The following ACOXL variants were observed in gnomAD, a reference collection of about 807,000 sequenced individuals.
ACOXL encodes acyl-coenzyme A oxidase-like protein.
Under a neutral mutation model 71.9 loss-of-function variants are expected in ACOXL, and 70 were observed. The observed-to-expected ratio is 0.97, with a 90% CI of 0.80 to 1.19. ACOXL has a LOEUF of 1.19. ACOXL is among the 50% of genes most tolerant of loss of function. The probability of loss-of-function intolerance (pLI) is 0.00; values close to 1 mark genes in which losing one functional copy is unlikely to be tolerated. For synonymous variants in ACOXL, 253 were observed against 281.6 expected, an observed-to-expected ratio of 0.90 and a Z score of 1.02; for missense variants, 703 against 736.3, an observed-to-expected ratio of 0.95 and a Z score of 0.52.
At chr2:110,922,019 A>G (rs1017410333) in intron 11 of ACOXL, among the ~76,000 whole-genome samples, 8 of 152,112 alleles carry the variant, frequency 5.3e-5, no homozygotes, top group Non-Finnish European at 1.2e-4. Context: ...GGTTGGGAGG[A>G]GAGTATTATA....
chr2:111,002,546 A>G (rs1391197073), intron 14 of ACOXL, among the ~76,000 whole-genome samples: 1 of 152,168 alleles, frequency 6.6e-6, no homozygotes, highest in Admixed American at 6.5e-5. Flanking sequence ...AATATCCTTA[A>G]CAGTATGGCT....
At chr2:110,997,804 C>T (rs72834578) in intron 14 of ACOXL, among the ~76,000 whole-genome samples, 10,417 of 152,230 alleles carry the variant, frequency 0.068, 451 homozygotes, top group East Asian at 0.22. Context: ...CCTGCAATTC[C>T]AGCACTTCGG....
intron 15 of ACOXL, among the ~76,000 whole-genome samples, chr2:111,041,333 C>T (rs1252900740): frequency 6.6e-6 from 1 of 152,184 alleles, no homozygotes; most frequent in East Asian, 1.9e-4. Context: ...GCAATTGCAG[C>T]TGTCCTATCC....
intron 12 of ACOXL, among the ~76,000 whole-genome samples, chr2:110,943,080 G>A (rs2060940576): frequency 8.7e-6 from 1 of 114,582 alleles, no homozygotes; most frequent in African/African-American, 3.3e-5. Flanking sequence ...AGGAAGAAAA[G>A]AAGAGAGGGA....
intron 10 of ACOXL, among the ~76,000 whole-genome samples, chr2:110,883,911 C>G (rs1041036805): frequency 6.6e-6 from 1 of 152,072 alleles, no homozygotes; most frequent in Non-Finnish European, 1.5e-5. Flanking sequence ...ATATAGTACA[C>G]ACTTAAATAT....
At chr2:111,001,614 G>A (rs1363069553) in intron 14 of ACOXL, among the ~76,000 whole-genome samples, 1 of 152,154 alleles carries the variant, frequency 6.6e-6, no homozygotes, top group Non-Finnish European at 1.5e-5. Context: ...ACTGATTCCT[G>A]CATTATTCCC....
chr2:111,102,037 G>T (rs764456317), intron 17 of ACOXL: 1 of 152,662 alleles, frequency 6.6e-6, no homozygotes, highest in Non-Finnish European at 1.5e-5. Context: ...TAGAATGTGG[G>T]TGTCTCCTGT....
Position 111,049,298 on chromosome 2 carries a change from C to A in ACOXL, c.1440+10C>A. The A allele has an allele frequency of 6.3e-7, 1 of 1,596,088 alleles. No individual in the cohort carries two copies. Among genetic ancestry groups the A allele is most frequent in the South Asian group, 1.1e-5 (1 of 90,632 alleles). ...GACTTTGTTAATGAAGGTAGGTTAT[C>A]AGATAAAGAACTTATTTCCTAAAGG... is the stretch of plus-strand genomic sequence containing the variant. On this transcript the variant is annotated intron_variant, in intron 16 of 17. Coordinates refer to ENST00000439055, the MANE Select transcript of ACOXL (RefSeq NM_001142807.4).
intron 10 of ACOXL, among the ~76,000 whole-genome samples, chr2:110,844,468 C>G (rs538623161): frequency 6.6e-6 from 1 of 152,096 alleles, no homozygotes; most frequent in South Asian, 2.1e-4. Flanking sequence ...CTTTTCTTCC[C>G]CTCGGCCACA....
intron 17 of ACOXL, among the ~76,000 whole-genome samples, chr2:111,101,481 C>T (rs909158043): frequency 1.3e-5 from 2 of 152,042 alleles, no homozygotes; most frequent in Middle Eastern, 3.2e-3. Flanking sequence ...TTTCTCATTC[C>T]CCAGACCACC....
intron 10 of ACOXL, among the ~76,000 whole-genome samples, chr2:110,888,566 AG>A: frequency 6.6e-6 from 1 of 152,290 alleles, no homozygotes; most frequent in East Asian, 1.9e-4. Flanking sequence ...CCTGACTAAT[AG>A]GGCCCATATT....
Position 110,768,699 on chromosome 2 carries a change from TCCCACC to T in ACOXL, c.75+237_75+242del, listed in dbSNP as rs1010902235. ...GGTAGTTTTTTGACCCTCACCCTTC[TCCCACC>T]CTCCTCTCTCAAGTAGGCCGCCGCG... is the stretch of plus-strand genomic sequence containing the variant. On this transcript the variant is annotated intron_variant, in intron 2 of 17. Transcript: ENST00000439055. Among the ~76,000 whole-genome samples the T allele has an allele frequency of 9.2e-5, 14 of 152,294 alleles. No homozygotes were observed. The East Asian group carries it at 2.7e-3, about 29-fold the overall frequency.
At chr2:110,812,361 A>T (rs1448521847) in intron 9 of ACOXL, among the ~76,000 whole-genome samples, 1 of 152,204 alleles carries the variant, frequency 6.6e-6, no homozygotes, top group African/African-American at 2.4e-5. Context: ...GGTTTGTTAC[A>T]TAGGTAAACT....
chr2:110,911,303 G>A (rs759388737), intron 11 of ACOXL, among the ~76,000 whole-genome samples: 1 of 152,000 alleles, frequency 6.6e-6, no homozygotes, highest in Non-Finnish European at 1.5e-5. Flanking sequence ...ATTTAAATAA[G>A]AATTAATATC....
At chr2:110,993,789 C>G (rs977134330) in intron 13 of ACOXL, among the ~76,000 whole-genome samples, 2 of 152,224 alleles carry the variant, frequency 1.3e-5, no homozygotes, top group African/African-American at 4.8e-5. Flanking sequence ...CTGGGCAACA[C>G]TTGATGTCAG....
At chr2:110,867,231 G>C (rs1219530298) in intron 10 of ACOXL, among the ~76,000 whole-genome samples, 2 of 152,196 alleles carry the variant, frequency 1.3e-5, no homozygotes, top group African/African-American at 4.8e-5. Flanking sequence ...AGGGCATGGA[G>C]CTGGGCTTCT....
At chr2:110,907,471 A>G (rs188391253) in intron 10 of ACOXL, among the ~76,000 whole-genome samples, 1 of 152,252 alleles carries the variant, frequency 6.6e-6, no homozygotes, top group Admixed American at 6.5e-5. Context: ...TGATCCAGCA[A>G]AAGCTGAGAG....
In ACOXL at chr2:110,799,011, T is replaced by C. The variant is rs754569686; in HGVS notation, c.461-3T>C. ...TTAATAATGATCTCGATGCCTTCCT[T>C]AGGGCCCCACTGTTTCATCGTTCCT... On this transcript the variant is annotated splice_polypyrimidine_tract_variant and splice_region_variant and intron_variant, in intron 6 of 17. Transcript: ENST00000439055. 8.7e-6 allele frequency: 14 copies of C among 1,614,022 alleles called. No individual in the cohort carries two copies. The highest frequency in any genetic ancestry group is 1.1e-5 in the Non-Finnish European group (13 of 1,179,942).
At chr2:110,959,466 T>A (rs1436731768) in intron 12 of ACOXL, among the ~76,000 whole-genome samples, 1 of 152,116 alleles carries the variant, frequency 6.6e-6, no homozygotes, top group Non-Finnish European at 1.5e-5. Context: ...GTTTCCTCCT[T>A]CTCCACTTCC....
Sources: allele counts gnomAD v4.1 joint callset (sites outside exome capture counted in the v4.1 genomes callset), GRCh38; gene constraint gnomAD v4.1.1; transcripts MANE v1.5; gene names NCBI Gene and HGNC (gene_info 2026-07-23, HGNC 2026-07-21).